Variants in USH2A observed in about 807,000 individuals in gnomAD.
USH2A encodes usherin, also known as Usher syndrome 2A (autosomal recessive, mild).
A neutral mutation model predicts 538.9 loss-of-function variants in USH2A; 443 were observed. That is an observed-to-expected ratio of 0.82 (90% CI 0.76 to 0.89). The LOEUF (loss-of-function observed/expected upper bound fraction) is 0.89, where lower values mean the gene tolerates loss of function less well. USH2A is among the 40% of genes least tolerant of loss of function. USH2A has a pLI of 0.00. For synonymous variants in USH2A, 2,413 were observed against 2,273.5 expected (o/e 1.06, Z -1.75); for missense variants, 6,633 against 6,324.8 (o/e 1.05, Z -1.65).
At chr1:216,042,455 T>C (rs1558227379) in intron 32 of USH2A, among the ~76,000 whole-genome samples, 1 of 152,076 alleles carries the variant, frequency 6.6e-6, no homozygotes, top group Non-Finnish European at 1.5e-5. Flanking sequence ...AGATCCACTT[T>C]AGTAGACCTA....
At chr1:216,287,077 G>A (rs1362135072) in intron 11 of USH2A, among the ~76,000 whole-genome samples, 1 of 152,102 alleles carries the variant, frequency 6.6e-6, no homozygotes, top group Non-Finnish European at 1.5e-5. Flanking sequence ...AACAATATAT[G>A]AAAAGAATTA....
chr1:215,683,127 C>T (rs150679537), intron 61 of USH2A, among the ~76,000 whole-genome samples: 3 of 152,068 alleles, frequency 2.0e-5, no homozygotes, highest in African/African-American at 7.2e-5. Flanking sequence ...GCTCAAGTCA[C>T]CCTTCTGCCT....
At chr1:216,223,588 T>A (rs2035502505) in intron 14 of USH2A, among the ~76,000 whole-genome samples, 1 of 152,200 alleles carries the variant, frequency 6.6e-6, no homozygotes, top group Admixed American at 6.5e-5. Flanking sequence ...TGCATGCTTC[T>A]GCTTTCTTTC....
chr1:215,712,142 T>C (rs1028873497), intron 61 of USH2A, among the ~76,000 whole-genome samples: 2 of 152,168 alleles, frequency 1.3e-5, no homozygotes, highest in Non-Finnish European at 2.9e-5. Context: ...AAATATGCTA[T>C]CATATTTCTA....
intron 43 of USH2A, among the ~76,000 whole-genome samples, chr1:215,868,469 C>T (rs1212061924): frequency 2.0e-5 from 3 of 152,180 alleles, no homozygotes; most frequent in Non-Finnish European, 2.9e-5. Flanking sequence ...TATGTGCTTG[C>T]ATCAGATCTT....
At chr1:215,865,001 A>G (rs1664433206) in intron 44 of USH2A, among the ~76,000 whole-genome samples, 1 of 152,222 alleles carries the variant, frequency 6.6e-6, no homozygotes, top group Non-Finnish European at 1.5e-5. Flanking sequence ...TATAAATTTA[A>G]AACATGATTT....
At chr1:215,671,573 C>T (rs1657819730) in intron 63 of USH2A, among the ~76,000 whole-genome samples, 1 of 152,128 alleles carries the variant, frequency 6.6e-6, no homozygotes, top group Middle Eastern at 3.4e-3. Context: ...AATCAAAATC[C>T]CCCTGGCTTT....
At position 216,265,526 on chromosome 1, in the gene USH2A, C is replaced by T. The variant is rs746241630; in HGVS notation, c.1972-14428G>A. Among the ~76,000 whole-genome samples, 10 of 151,874 alleles carry T rather than the reference C, an allele frequency of 6.6e-5. No individual in the cohort carries two copies. The East Asian group carries it at 1.4e-3, about 21-fold the overall frequency. ...ATATCCAGACGTTTTGAAATCAGTA[C>T]GTTGAAGAGATATCTGCACTCCCAT... On this transcript the variant is annotated intron_variant, in intron 11 of 71. Transcript: ENST00000307340.
chr1:216,315,359 A>G (rs1351434596), intron 9 of USH2A, among the ~76,000 whole-genome samples: 1 of 152,170 alleles, frequency 6.6e-6, no homozygotes, highest in Non-Finnish European at 1.5e-5. Flanking sequence ...AATATTACAT[A>G]CCAAATAACA....
rs529479427 is a variant in USH2A at position 216,162,657 on chromosome 1, C to T, written c.4627+12595G>A. 1.2e-3 allele frequency among the ~76,000 whole-genome samples: 185 copies of T among 152,156 alleles called. 2 individuals carry two copies. Among genetic ancestry groups the T allele is most frequent in the African/African-American group, 4.4e-3 (181 of 41,520 alleles). On this transcript the variant is annotated intron_variant, in intron 21 of 71. Transcript: ENST00000307340. ...AATCTGTTTCAATTATCTCAATGTT[C>T]CTAAAGAATAGCCCTTATTCCTAAA...
At position 216,198,480 on chromosome 1, in the gene USH2A, G is replaced by A. The variant is rs1352237253; in HGVS notation, c.3916C>T (p.His1306Tyr). 1 of 1,613,896 alleles carries A rather than the reference G, an allele frequency of 6.2e-7. No homozygotes were observed. The highest frequency in any genetic ancestry group is 8.5e-7 in the Non-Finnish European group (1 of 1,179,964). The change falls in exon 18 of 72, where the codon CAT becomes TAT. Residue 1306 changes from histidine to tyrosine, a missense_variant. By Grantham distance (83) the His-to-Tyr change is moderately conservative (BLOSUM62 2). Transcript: ENST00000307340. ...TCATTGGCCGATTCTACAAATGAAT[G>A]AGGACTGAGCCAACCACTGCTCTGA... is the stretch of plus-strand genomic sequence containing the variant. ...VFQSSGWLSP[H>Y]SFVESANENA...
At chr1:216,191,150 G>A (rs900666808) in intron 19 of USH2A, among the ~76,000 whole-genome samples, 1 of 151,874 alleles carries the variant, frequency 6.6e-6, no homozygotes. Context: ...TAGGTACAAA[G>A]GCCACTAGAA....
intron 44 of USH2A, among the ~76,000 whole-genome samples, chr1:215,852,052 G>A (rs1440393242): frequency 1.3e-5 from 2 of 152,140 alleles, no homozygotes; most frequent in African/African-American, 2.4e-5. Context: ...TGTAATAAAA[G>A]TCATCTATGA....
intron 41 of USH2A, among the ~76,000 whole-genome samples, chr1:215,883,999 GTAA>G (rs752332824): frequency 2.0e-5 from 3 of 151,998 alleles, no homozygotes; most frequent in Non-Finnish European, 4.4e-5. Context: ...GTTCCCACTC[GTAA>G]GTGGGAGTTG....
intron 21 of USH2A, among the ~76,000 whole-genome samples, chr1:216,136,707 A>G (rs941338631): frequency 1.3e-5 from 2 of 152,172 alleles, no homozygotes; most frequent in African/African-American, 2.4e-5. Flanking sequence ...CTACTGTAGT[A>G]TGACTGGTGT....
At chr1:216,003,835 T>A (rs1161721570) in intron 32 of USH2A, among the ~76,000 whole-genome samples, 1 of 152,204 alleles carries the variant, frequency 6.6e-6, no homozygotes, top group Non-Finnish European at 1.5e-5. Flanking sequence ...AGTATCATCC[T>A]GGCTGCCAGA....
intron 4 of USH2A, among the ~76,000 whole-genome samples, chr1:216,335,462 TAGAAAAACAACA>T (rs1301984935): frequency 6.6e-6 from 1 of 151,058 alleles, no homozygotes; most frequent in Non-Finnish European, 1.5e-5. Context: ...AAATAGAGAA[TAGAAAAACAACA>T]AGAAAAACAA....
chr1:216,288,729 T>C (rs1435380451), intron 11 of USH2A, among the ~76,000 whole-genome samples: 1 of 152,192 alleles, frequency 6.6e-6, no homozygotes, highest in Admixed American at 6.6e-5. Context: ...GTAGGATACA[T>C]GAACTGAGGT....
chr1:215,983,909 A>T lies in USH2A; in HGVS notation c.6805+9111T>A, dbSNP rs116365079. Among the ~76,000 whole-genome samples the T allele has an allele frequency of 4.8e-3, 736 of 152,328 alleles. 5 individuals are homozygous for T. The highest frequency in any genetic ancestry group is 8.0e-3 in the Non-Finnish European group (542 of 68,040). On this transcript the variant is annotated intron_variant, in intron 35 of 71. Coordinates refer to ENST00000307340, the MANE Select transcript of USH2A (RefSeq NM_206933.4). Reference sequence around the variant, plus strand: ...GTTTTTAGAGGAAAGGGTGAGAACAAATTCAGGAACCTGGAGAAAGAAAGA... The same window carrying T: ...GTTTTTAGAGGAAAGGGTGAGAACATATTCAGGAACCTGGAGAAAGAAAGA...
Sources: gnomAD v4.1 joint callset for allele counts (sites outside exome capture counted in the v4.1 genomes callset) on GRCh38, gnomAD v4.1.1 for gene constraint, MANE v1.5 for transcripts, NCBI Gene and HGNC (gene_info 2026-07-23, HGNC 2026-07-21) for gene names.